Variants in HARS1 observed in about 807,000 individuals in gnomAD.
HARS1 encodes the protein histidyl-tRNA synthetase 1, also known as histidine--tRNA ligase, cytoplasmic.
A neutral mutation model predicts 63.6 loss-of-function variants in HARS1; 45 were observed. The ratio of observed to expected loss-of-function variants is 0.71; its 90% CI spans 0.56 to 0.91. The LOEUF (loss-of-function observed/expected upper bound fraction) is 0.91. HARS1 is among the 40% of genes least tolerant of loss of function. HARS1 has a pLI of 0.00. For synonymous variants in HARS1, 205 were observed against 247.1 expected, an observed-to-expected ratio of 0.83 and a Z score of 1.60; for missense variants, 508 against 643.2, an observed-to-expected ratio of 0.79 and a Z score of 2.27.
intron 6 of HARS1, 60 bp downstream of exon 6, chr5:140,677,848 G>A: frequency 2.9e-6 from 4 of 1,400,988 alleles, no homozygotes; most frequent in Non-Finnish European, 4.1e-6. Flanking sequence ...CTCTGCACAA[G>A]GATCTTCTCT....
chr5:140,678,380 A>G (rs1758519627), intron 5 of HARS1: 1 of 246,434 alleles, frequency 4.1e-6, no homozygotes. Context: ...CTGTGATCCT[A>G]TCACTGTGGT....
Position 140,691,326 on chromosome 5 carries a change from C to T in HARS1, c.-22G>A, listed in dbSNP as rs1324534789. The T allele has an allele frequency of 6.3e-7, 1 of 1,580,104 alleles. No homozygotes were observed. The highest frequency in any genetic ancestry group is 8.6e-7 in the Non-Finnish European group (1 of 1,163,834). Reference sequence around the variant, plus strand: ...CCATCCCGGCTGTCCACTTGAGCCGCCTGCTGTCTCGACCTGCGGTGGTTG... The same window carrying T: ...CCATCCCGGCTGTCCACTTGAGCCGTCTGCTGTCTCGACCTGCGGTGGTTG... On this transcript the variant is annotated 5_prime_UTR_variant, in exon 1 of 13. Transcript: ENST00000504156.
chr5:140,677,583 T>C (rs1453722695), intron 7 of HARS1, 72 bp downstream of exon 7: 14 of 1,175,046 alleles, frequency 1.2e-5, no homozygotes, highest in Non-Finnish European at 1.8e-5. Context: ...CCTCTCTCTC[T>C]CTCAATCTTG....
Position 140,679,215 on chromosome 5 carries a change from T to A in HARS1, c.397-88A>T. ...CCAACAGAAGCTGGGGTCTAACCCCTCCCTATGTGGGTAAAACTGCCACCC... is the reference window on the plus strand; with the variant it reads ...CCAACAGAAGCTGGGGTCTAACCCCACCCTATGTGGGTAAAACTGCCACCC... On this transcript the variant is annotated intron_variant, in intron 4 of 12. Transcript: ENST00000504156. The surrounding 1 kb of genome is among the most constrained non-coding windows in gnomAD (Gnocchi z 4.3). 1 of 1,320,622 alleles carries A rather than the reference T, an allele frequency of 7.6e-7. No individual in the cohort carries two copies. The highest frequency in any genetic ancestry group is 2.3e-5 in the East Asian group (1 of 42,994). 81.8% of individuals were successfully genotyped at this position (1,320,622 alleles called of 1,614,324 possible). A position where few individuals can be genotyped will look rare whatever the true frequency, so the allele number is the denominator to read the frequency against.
chr5:140,688,383 C>T (rs1259178662), intron 2 of HARS1, among the ~76,000 whole-genome samples: 1 of 152,158 alleles, frequency 6.6e-6, no homozygotes, highest in Non-Finnish European at 1.5e-5. Flanking sequence ...CATTTAAGCC[C>T]TGACATGTTT....
chr5:140,674,398 C>T lies in HARS1; in HGVS notation c.1459-70G>A, dbSNP rs1490071653. 44 of 1,062,816 alleles carry T rather than the reference C, an allele frequency of 4.1e-5. No homozygotes were observed. The East Asian group carries it at 1.0e-3, about 25-fold the overall frequency. The allele number at this position is 1,062,816 out of a possible 1,614,324, so 65.8% of individuals were successfully genotyped here. ...CACTGCTCCCCGAGTGCCTAGTTTC[C>T]TCTAGCCCTCTAGGCATCAGGCTTG... On this transcript the variant is annotated intron_variant, in intron 12 of 12. Transcript: ENST00000504156.
In HARS1 at chr5:140,676,674, T is replaced by C. The variant is rs1581503912; in HGVS notation, c.1174A>G (p.Ile392Val). Residue 392 changes from isoleucine to valine, a missense_variant, in exon 10 of 13, where the codon ATC becomes GTC. Coordinates refer to ENST00000504156, the MANE Select transcript of HARS1 (RefSeq NM_002109.6). This position sits in a 1 kb window ranked among gnomAD's most constrained non-coding sequence, Gnocchi z 4.1. ...LSIGVERIFS[I>V]VEQRLEALEE... ...CCTACCTCTAGTCTCTGTTCCACGA[T>C]GGAGAAAATCCGCTCCACCCCAATG... The C allele has an allele frequency of 2.5e-6, 4 of 1,614,216 alleles. No homozygotes were observed. Among genetic ancestry groups the C allele is most frequent in the Non-Finnish European group, 3.4e-6 (4 of 1,180,032 alleles).
chr5:140,676,548 T>A lies in HARS1; in HGVS notation c.1194+106A>T, dbSNP rs777312300. 264 of 1,155,560 alleles carry A rather than the reference T, an allele frequency of 2.3e-4. No homozygotes were observed. The highest frequency in any genetic ancestry group is 3.2e-4 in the Non-Finnish European group (254 of 801,586). The allele number at this position is 1,155,560 out of a possible 1,614,324, so 71.6% of individuals were successfully genotyped here. ...AGCAATAATCTTTTCTCCATTTCTG[T>A]GAGATGCTCCCTGCCCAAAGCAGCA... On this transcript the variant is annotated intron_variant, in intron 10 of 12. Coordinates refer to ENST00000504156, the MANE Select transcript of HARS1 (RefSeq NM_002109.6). The surrounding 1 kb of genome is among the most constrained non-coding windows in gnomAD (Gnocchi z 4.1).
intron 1 of HARS1, 42 bp downstream of exon 1, chr5:140,691,173 C>A (rs756510296): frequency 7.0e-7 from 1 of 1,435,156 alleles, no homozygotes; most frequent in African/African-American, 1.4e-5. Context: ...TACGTCCTCC[C>A]AGGCTTTGCC....
In HARS1 at chr5:140,674,858, G is replaced by C. The variant is rs75397255; in HGVS notation, c.1312-33C>G. Reference sequence around the variant, plus strand: ...GGACAAGAGCAGAAGATGAAGGCTGGCTTCTGCTGTCCTCAGGGACAGAGG... The same window carrying C: ...GGACAAGAGCAGAAGATGAAGGCTGCCTTCTGCTGTCCTCAGGGACAGAGG... On this transcript the variant is annotated intron_variant, in intron 11 of 12. Transcript: ENST00000504156. 2,538 of 1,612,446 alleles carry C rather than the reference G, an allele frequency of 1.6e-3. 40 individuals carry two copies. In the African/African-American group the frequency reaches 0.03, roughly 19 times the overall value.
intron 2 of HARS1, among the ~76,000 whole-genome samples, chr5:140,689,257 CAGG>C (rs1759223836): frequency 6.6e-6 from 1 of 152,286 alleles, no homozygotes; most frequent in South Asian, 2.1e-4. Context: ...TCAGTATCCA[CAGG>C]AGATTTGTTC....
chr5:140,691,368 G>A lies in HARS1; in HGVS notation c.-64C>T, dbSNP rs113209109. On this transcript the variant is annotated 5_prime_UTR_variant, in exon 1 of 13. Transcript: ENST00000504156. ...CGGTGGTTGCCCCAGCCTCAGCAAG[G>A]ATGACTTCCGGCTATCGAGTCGCTG... 1.9e-3 allele frequency: 2,414 copies of A among 1,252,244 alleles called. 39 individuals carry two copies. The African/African-American group carries it at 0.032, about 17-fold the overall frequency. 77.6% of individuals were successfully genotyped at this position (1,252,244 alleles called of 1,614,324 possible). A position where few individuals can be genotyped will look rare whatever the true frequency, so the allele number is the denominator to read the frequency against.
At chr5:140,682,126 G>A (rs970528188) in intron 3 of HARS1, among the ~76,000 whole-genome samples, 3 of 152,032 alleles carry the variant, frequency 2.0e-5, no homozygotes, top group African/African-American at 7.2e-5. Context: ...TGCCTGTAAT[G>A]TCAGCACTTT....
chr5:140,689,629 CT>C (rs1759252429), intron 2 of HARS1, among the ~76,000 whole-genome samples: 1 of 152,114 alleles, frequency 6.6e-6, no homozygotes, highest in African/African-American at 2.4e-5. Context: ...TTCTTTTCCC[CT>C]GAATGGTTTT....
rs1285300943 is a variant in HARS1, at chr5:140,676,055, A to T, written c.1194+599T>A. 1 of 152,314 alleles carries T rather than the reference A, an allele frequency of 6.6e-6. No homozygotes were observed. Among genetic ancestry groups the T allele is most frequent in the Non-Finnish European group, 1.5e-5 (1 of 68,146 alleles). The allele number at this position is 152,314 out of a possible 1,614,324, so 9.4% of individuals were successfully genotyped here. On this transcript the variant is annotated intron_variant, in intron 10 of 12. Coordinates refer to ENST00000504156, the MANE Select transcript of HARS1 (RefSeq NM_002109.6). The surrounding 1 kb of genome is among the most constrained non-coding windows in gnomAD (Gnocchi z 4.1). ...CTTGGTGTTACTCTAGGTGCTAGAG[A>T]GTCACGGTAGCCATCTGAGGGATCC...
rs1417568567 is a variant in HARS1 at position 140,679,520 on chromosome 5, G to A, written c.396+268C>T. On this transcript the variant is annotated intron_variant, in intron 4 of 12. Transcript: ENST00000504156. The surrounding 1 kb of genome is among the most constrained non-coding windows in gnomAD (Gnocchi z 4.3). ...AAGAAGAATTTTGTTCACTGGACAG[G>A]GCAGGGGAGAGGTATTCTGGAGCCA... The A allele has an allele frequency of 6.5e-6, 3 of 460,202 alleles. No homozygotes were observed. Among genetic ancestry groups the A allele is most frequent in the Non-Finnish European group, 1.1e-5 (3 of 261,366 alleles). The allele number at this position is 460,202 out of a possible 1,614,324, so 28.5% of individuals were successfully genotyped here. A position where few individuals can be genotyped will look rare whatever the true frequency, so the allele number is the denominator to read the frequency against.
chr5:140,682,889 C>G (rs1758807364), intron 3 of HARS1: 5 of 487,628 alleles, frequency 1.0e-5, no homozygotes, highest in Admixed American at 3.5e-5. Flanking sequence ...AAGAATGGCT[C>G]TCTTTTGGAA....
At chr5:140,684,443 CTTTTCTTTTAAATCTT>C in intron 2 of HARS1, 1 of 977,524 alleles carries the variant, frequency 1.0e-6, no homozygotes, top group Non-Finnish European at 1.2e-6. Flanking sequence ...CCCAATATAA[CTTTTCTTTTAAATCTT>C]AGTTACAACT....
rs1254807722 is a variant in HARS1, at chr5:140,679,610, A to T, written c.396+178T>A. 1.9e-6 allele frequency: 1 copy of T among 517,448 alleles called. No homozygotes were observed. Among genetic ancestry groups the T allele is most frequent in the Non-Finnish European group, 3.4e-6 (1 of 291,760 alleles). 32.1% of individuals were successfully genotyped at this position (517,448 alleles called of 1,614,324 possible). ...GCTGAGGTCTCACTCAGGATTCAGA[A>T]GATTTCTAAGGATGTGTATGCTCTG... is the stretch of plus-strand genomic sequence containing the variant. On this transcript the variant is annotated intron_variant, in intron 4 of 12. Coordinates refer to ENST00000504156, the MANE Select transcript of HARS1 (RefSeq NM_002109.6). The surrounding 1 kb of genome is among the most constrained non-coding windows in gnomAD (Gnocchi z 4.3).
Sources: gnomAD v4.1 joint callset for allele counts (sites outside exome capture counted in the v4.1 genomes callset) on GRCh38, gnomAD v4.1.1 for gene constraint, Gnocchi (gnomAD v3.1) non-coding constraint, MANE v1.5 for transcripts, NCBI Gene and HGNC (gene_info 2026-07-23, HGNC 2026-07-21) for gene names.